The following PSG1 variants were observed in gnomAD, a reference collection of about 807,000 sequenced individuals.
PSG1 encodes pregnancy specific beta-1-glycoprotein 1.
PSG1 carries 60 observed loss-of-function variants against 41.4 expected under a neutral mutation model. That is an observed-to-expected ratio of 1.45 (90% CI 1.18 to 1.80). The LOEUF (loss-of-function observed/expected upper bound fraction) is 1.80, where lower values mean the gene tolerates loss of function less well. PSG1 is among the 40% of genes most tolerant of loss of function. The probability of loss-of-function intolerance (pLI) is 0.00; values close to 1 mark genes in which losing one functional copy is unlikely to be tolerated. For synonymous variants in PSG1, 256 were observed against 192.9 expected (o/e 1.33, Z -2.71); for missense variants, 806 against 516.9 (o/e 1.56, Z -5.42).
rs148809178 is a variant in PSG1 at position 42,878,145 on chromosome 19, G to C, written c.198C>G (p.Ile66Met). Residue 66 changes from isoleucine to methionine, a missense_variant, in exon 2 of 6, where the codon ATC (isoleucine) becomes ATG (methionine). Ile to Met is a conservative substitution (Grantham distance 10). Coordinates refer to ENST00000436291, the MANE Select transcript of PSG1 (RefSeq NM_001184825.2). ...HNLPQNLTGY[I>M]WYKGQMRDLY... ...GGTCCCTCATTTGCCCTTTGTACCA[G>C]ATGTAGCCGGTAAGATTCTGGGGCA... 8.7e-6 allele frequency: 14 copies of C among 1,612,158 alleles called. No homozygotes were observed. Among genetic ancestry groups the C allele is most frequent in the Non-Finnish European group, 1.1e-5 (13 of 1,179,186 alleles).
At position 42,871,819 on chromosome 19, in the gene PSG1, T is replaced by C. The variant is rs1971399227; in HGVS notation, c.657A>G (p.Ile219Met). Residue 219 changes from isoleucine (I) to methionine (M), a missense_variant, in exon 3 of 6, where the codon ATA (isoleucine) becomes ATG (methionine). Physicochemically the swap from Ile to Met is conservative, Grantham distance 10 (BLOSUM62 1). Transcript: ENST00000436291. ...TGCGGCTGGCACTCACTGGGTTCCG[T>C]ATTTCACATTCATAGGGTCCTGCAG... Reference protein sequence around the residue: ...KYTAGPYECEIRNPVSASRSD... With the variant: ...KYTAGPYECEMRNPVSASRSD... 6.2e-7 allele frequency: 1 copy of C among 1,612,452 alleles called. No individual in the cohort carries two copies. The highest frequency in any genetic ancestry group is 8.5e-7 in the Non-Finnish European group (1 of 1,179,256).
At position 42,867,733 on chromosome 19, in the gene PSG1, G is replaced by A. The variant is rs367588164; in HGVS notation, c.1243+368C>T. The A allele has an allele frequency of 1.9e-4, 163 of 867,072 alleles. 8 individuals carry two copies. Among genetic ancestry groups the A allele is most frequent in the South Asian group, 1.2e-3 (88 of 73,888 alleles). The allele number at this position is 867,072 out of a possible 1,614,324, so 53.7% of individuals were successfully genotyped here. On this transcript the variant is annotated intron_variant, in intron 5 of 5. Transcript: ENST00000436291. ...ACGGTTCCCAGAAGTATAGTTTATT[G>A]AACTGCTATAAGCTGTAGATAGATT...
chr19:42,868,932 T>C lies in PSG1; in HGVS notation c.812A>G (p.Tyr271Cys), dbSNP rs149977860. 15 of 1,610,598 alleles carry C rather than the reference T, an allele frequency of 9.3e-6. No homozygotes were observed. The Admixed American group carries it at 2.5e-4, about 27-fold the overall frequency. ...GCTCTGACCATTTAGCCACCAAATG[T>C]AGGTGTAGTTCTCACTCTTAGGTTC... The part of the protein sequence containing the change: ...TCEPKSENYT[Y>C]IWWLNGQSLP... Residue 271 changes from tyrosine (Y) to cysteine (C), a missense_variant, in exon 4 of 6, where the codon TAC becomes TGC. By Grantham distance (194) the Tyr-to-Cys change is radical (BLOSUM62 -2). Coordinates refer to ENST00000436291, the MANE Select transcript of PSG1 (RefSeq NM_001184825.2).
chr19:42,871,832 T>C lies in PSG1; in HGVS notation c.644A>G (p.Tyr215Cys), dbSNP rs1971399869. Reference protein sequence around the residue: ...LGVTKYTAGPYECEIRNPVSA... With the variant: ...LGVTKYTAGPCECEIRNPVSA... ...CACTGGGTTCCGTATTTCACATTCA[T>C]AGGGTCCTGCAGTATACTTTGTGAC... Residue 215 changes from tyrosine to cysteine, a missense_variant, in exon 3 of 6, where the codon TAT becomes TGT. Physicochemically the swap from Tyr to Cys is radical, Grantham distance 194 (BLOSUM62 -2). Coordinates refer to ENST00000436291, the MANE Select transcript of PSG1 (RefSeq NM_001184825.2). 6.2e-6 allele frequency: 10 copies of C among 1,612,614 alleles called. 1 individual carries two copies. The highest frequency in any genetic ancestry group is 8.5e-6 in the Non-Finnish European group (10 of 1,179,260).
At position 42,877,119 on chromosome 19, in the gene PSG1, A is replaced by G. The variant is rs567869179; in HGVS notation, c.430+794T>C. On this transcript the variant is annotated intron_variant, in intron 2 of 5. Transcript: ENST00000436291. ...ATGCTTGGCACAGTGGAGGTTTCAC[A>G]CAAACAGCATTTATTATTAATTTGC... Among the ~76,000 whole-genome samples, 53 of 151,740 alleles carry G rather than the reference A, an allele frequency of 3.5e-4. 1 individual carries two copies. The highest frequency in any genetic ancestry group is 7.2e-4 in the Non-Finnish European group (49 of 67,944).
chr19:42,875,355 T>G (rs1031019169), intron 2 of PSG1, among the ~76,000 whole-genome samples: 1 of 151,822 alleles, frequency 6.6e-6, no homozygotes, highest in African/African-American at 2.4e-5. Flanking sequence ...TGAATTTTGC[T>G]AAAATGTAGG....
At chr19:42,868,038 TCTC>T (rs1971205899) in intron 5 of PSG1, 60 bp downstream of exon 5, 1 of 1,611,638 alleles carries the variant, frequency 6.2e-7, no homozygotes, top group Non-Finnish European at 8.5e-7. Context: ...TCCTGACTCT[TCTC>T]TGAATGCCAG....
intron 5 of PSG1, chr19:42,867,863 C>T: frequency 7.5e-7 from 1 of 1,333,466 alleles, no homozygotes; most frequent in Admixed American, 2.5e-5. Flanking sequence ...TCAATTATTT[C>T]AATGAAATCA....
At chr19:42,877,363 G>C (rs1447852990) in intron 2 of PSG1, among the ~76,000 whole-genome samples, 2 of 151,608 alleles carry the variant, frequency 1.3e-5, no homozygotes, top group Non-Finnish European at 2.9e-5. Context: ...ATGAGGCTCT[G>C]AGGGCTGAGC....
chr19:42,878,476 G>A (rs1420334884), intron 1 of PSG1, 198 bp from the exon 2 acceptor site: 2 of 965,060 alleles, frequency 2.1e-6, no homozygotes, highest in East Asian at 2.7e-5. Flanking sequence ...GTGTCCTACT[G>A]TCCTACTAGG....
Position 42,869,584 on chromosome 19 carries a change from G to T in PSG1, c.710-550C>A. 1.2e-5 allele frequency: 2 copies of T among 161,622 alleles called. 1 individual carries two copies. Among genetic ancestry groups the T allele is most frequent in the Non-Finnish European group, 2.8e-5 (2 of 72,642 alleles). The allele number at this position is 161,622 out of a possible 1,614,324, so 10.0% of individuals were successfully genotyped here. On this transcript the variant is annotated intron_variant, in intron 3 of 5. Coordinates refer to ENST00000436291, the MANE Select transcript of PSG1 (RefSeq NM_001184825.2). ...CACAGGGGAGACCAGAATCAAGGCT[G>T]GAGGTCAGTTCAGTCATCAGGCAGT...
chr19:42,873,923 G>T (rs1406341731), intron 2 of PSG1, among the ~76,000 whole-genome samples: 1 of 151,620 alleles, frequency 6.6e-6, no homozygotes, highest in Admixed American at 6.6e-5. Context: ...GTTTAAGTTT[G>T]TGTGAATTAG....
rs1159402232 is a variant in PSG1, at chr19:42,877,987, G to T, written c.356C>A (p.Ser119Tyr). 1.2e-6 allele frequency: 2 copies of T among 1,612,430 alleles called. No homozygotes were observed. The highest frequency in any genetic ancestry group is 1.7e-6 in the Non-Finnish European group (2 of 1,179,176). The change falls in exon 2 of 6, where the codon TCC becomes TAC. Residue 119 changes from serine (S) to tyrosine (Y), a missense_variant. By Grantham distance (144) the Ser-to-Tyr change is moderately radical. Coordinates refer to ENST00000436291, the MANE Select transcript of PSG1 (RefSeq NM_001184825.2). ...IQNVTREDAG[S>Y]YTLHIIKGDD... ...TCCCTTTATGATGTGTAAGGTGTAG[G>T]ATCCTGCGTCCTCCCGGGTGACATT...
intron 3 of PSG1, chr19:42,869,368 CT>C: frequency 2.4e-6 from 1 of 421,670 alleles, no homozygotes; most frequent in Non-Finnish European, 4.1e-6. Context: ...CCTTGGGTTC[CT>C]TACCTGGAAT....
In PSG1 at chr19:42,872,038, A is replaced by G; in HGVS notation, c.438T>C (p.Thr146=). 6.2e-7 allele frequency: 1 copy of G among 1,611,466 alleles called. No individual in the cohort carries two copies. Among genetic ancestry groups the G allele is most frequent in the South Asian group, 1.1e-5 (1 of 90,680 alleles). The change falls in exon 3 of 6, where the codon ACT becomes ACC. Residue 146 remains threonine, a synonymous_variant. Coordinates refer to ENST00000436291, the MANE Select transcript of PSG1 (RefSeq NM_001184825.2). ...TGCTGCTGGAGATGGAGGGCTTAGGAGTCTCCACTGTGCAGAAAACAGGGT... is the reference window on the plus strand; with the variant it reads ...TGCTGCTGGAGATGGAGGGCTTAGGGGTCTCCACTGTGCAGAAAACAGGGT... ...GRFTFTLHLE[T]PKPSISSSNL...
At chr19:42,869,261 G>C in intron 3 of PSG1, 1 of 999,622 alleles carries the variant, frequency 1.0e-6, no homozygotes. Flanking sequence ...AGTGTCAATT[G>C]AGCAGCAGTG....
intron 1 of PSG1, 142 bp from the exon 2 acceptor site, chr19:42,878,420 C>T: frequency 7.6e-7 from 1 of 1,309,358 alleles, no homozygotes; most frequent in Non-Finnish European, 1.0e-6. Flanking sequence ...CACACACACA[C>T]ACACACACAA....
intron 5 of PSG1, chr19:42,867,365 G>A (rs765889238): frequency 2.2e-5 from 13 of 595,542 alleles, no homozygotes; most frequent in Non-Finnish European, 8.9e-6. Flanking sequence ...GAGTAGCAAT[G>A]GACCATGTAG....
rs1333388291 is a variant in PSG1, at chr19:42,868,209, G to A, written c.1135C>T (p.Leu379Phe). 34 of 1,612,284 alleles carry A rather than the reference G, an allele frequency of 2.1e-5. No homozygotes were observed. Among genetic ancestry groups the A allele is most frequent in the Non-Finnish European group, 2.8e-5 (33 of 1,179,130 alleles). The change falls in exon 5 of 6, where the codon CTC becomes TTC. Residue 379 changes from leucine (L) to phenylalanine (F), a missense_variant. Physicochemically the swap from Leu to Phe is conservative, Grantham distance 22. Coordinates refer to ENST00000436291, the MANE Select transcript of PSG1 (RefSeq NM_001184825.2). Reference protein sequence around the residue: ...NEKFQLPGQKLFIRHITTKHS... With the variant: ...NEKFQLPGQKFFIRHITTKHS... ...TTTGTAGTAATATGGCGGATAAAGA[G>A]CTTTTGTCCTGGTAGCTGAAACTTT...
Sources: gnomAD v4.1 joint callset for allele counts (sites outside exome capture counted in the v4.1 genomes callset) on GRCh38, gnomAD v4.1.1 for gene constraint, MANE v1.5 for transcripts, NCBI Gene and HGNC (gene_info 2026-07-23, HGNC 2026-07-21) for gene names.